Variants in MOB3B observed in about 807,000 individuals in gnomAD.
MOB3B encodes MOB kinase activator-like 2B.
A neutral mutation model predicts 18.7 loss-of-function variants in MOB3B; 7 were observed. The ratio of observed to expected loss-of-function variants is 0.37; its 90% CI spans 0.21 to 0.70. The LOEUF (loss-of-function observed/expected upper bound fraction) is 0.70. Among genes scored for constraint, MOB3B ranks in the 30% least tolerant of loss-of-function variants. MOB3B has a pLI of 0.52. For synonymous variants in MOB3B, 111 were observed against 99.9 expected, an observed-to-expected ratio of 1.11 and a Z score of -0.66; for missense variants, 253 against 281.3, an observed-to-expected ratio of 0.90 and a Z score of 0.72.
At chr9:27,357,315 C>A (rs552466674) in intron 3 of MOB3B, among the ~76,000 whole-genome samples, 1 of 150,880 alleles carries the variant, frequency 6.6e-6, no homozygotes, top group South Asian at 2.1e-4. Flanking sequence ...TCAAAGGGGC[C>A]TTGTTGATCC....
At chr9:27,516,864 C>T (rs1820242969) in intron 1 of MOB3B, among the ~76,000 whole-genome samples, 1 of 152,144 alleles carries the variant, frequency 6.6e-6, no homozygotes, top group African/African-American at 2.4e-5. Flanking sequence ...CTTGTCTAGG[C>T]CCATATATCC....
At chr9:27,460,444 A>C (rs756481381) in intron 1 of MOB3B, among the ~76,000 whole-genome samples, 18 of 152,202 alleles carry the variant, frequency 1.2e-4, no homozygotes, top group Non-Finnish European at 2.6e-4. Context: ...CTGGCAAGGA[A>C]AGTTCTAATT....
chr9:27,370,298 C>T (rs111830094), intron 2 of MOB3B, among the ~76,000 whole-genome samples: 9 of 152,114 alleles, frequency 5.9e-5, no homozygotes, highest in South Asian at 4.2e-4. Context: ...CACCTGAGGT[C>T]GGGAATTCAA....
At chr9:27,420,547 C>CTATA (rs1822228701) in intron 2 of MOB3B, among the ~76,000 whole-genome samples, 1 of 44,802 alleles carries the variant, frequency 2.2e-5, no homozygotes, top group Non-Finnish European at 3.9e-5. Flanking sequence ...TCTGTATATT[C>CTATA]CATATATATA....
intron 2 of MOB3B, among the ~76,000 whole-genome samples, chr9:27,395,668 G>C (rs527895862): frequency 6.6e-6 from 1 of 152,262 alleles, no homozygotes; most frequent in East Asian, 1.9e-4. Flanking sequence ...ATATGGGTGT[G>C]TTGTCCCTTC....
At position 27,330,254 on chromosome 9, in the gene MOB3B, A is replaced by G; in HGVS notation, c.*333T>C. 4.4e-6 allele frequency: 1 copy of G among 227,450 alleles called. No individual in the cohort carries two copies. Among genetic ancestry groups the G allele is most frequent in the Non-Finnish European group, 8.6e-6 (1 of 116,872 alleles). The allele number at this position is 227,450 out of a possible 1,614,324, so 14.1% of individuals were successfully genotyped here. A position where few individuals can be genotyped will look rare whatever the true frequency, so the allele number is the denominator to read the frequency against. On this transcript the variant is annotated 3_prime_UTR_variant, in exon 4 of 4. Coordinates refer to ENST00000262244, the MANE Select transcript of MOB3B (RefSeq NM_024761.5). ...ATCTCAGTCTCAAAACCTGAATTCC[A>G]GTAAAGCTTAGGCGGCAGGTCACAG... is the stretch of plus-strand genomic sequence containing the variant.
At chr9:27,444,271 G>A (rs575708599) in intron 2 of MOB3B, among the ~76,000 whole-genome samples, 16 of 124,432 alleles carry the variant, frequency 1.3e-4, no homozygotes, top group Admixed American at 7.1e-4. Context: ...AAGGAAGGAG[G>A]GAGGGAGGGA....
intron 1 of MOB3B, among the ~76,000 whole-genome samples, chr9:27,481,116 C>T (rs1031563231): frequency 6.6e-6 from 1 of 152,106 alleles, no homozygotes; most frequent in Non-Finnish European, 1.5e-5. Context: ...AAGAATAAAA[C>T]AGTATGCCTT....
intron 1 of MOB3B, among the ~76,000 whole-genome samples, chr9:27,483,225 C>T (rs1299682555): frequency 1.3e-5 from 2 of 150,972 alleles, no homozygotes; most frequent in East Asian, 3.9e-4. Flanking sequence ...CTCCGCCTCC[C>T]GGGTTCACGC....
At chr9:27,466,527 C>T (rs1819385179) in intron 1 of MOB3B, among the ~76,000 whole-genome samples, 1 of 152,186 alleles carries the variant, frequency 6.6e-6, no homozygotes, top group Non-Finnish European at 1.5e-5. Flanking sequence ...ACGCCTCACT[C>T]TACTGGTACC....
At chr9:27,490,596 C>A (rs1819801438) in intron 1 of MOB3B, among the ~76,000 whole-genome samples, 1 of 152,096 alleles carries the variant, frequency 6.6e-6, no homozygotes, top group South Asian at 2.1e-4. Flanking sequence ...GTGAAAGCAC[C>A]TGTTCTCTTG....
At chr9:27,365,149 T>C (rs1009151472) in intron 2 of MOB3B, among the ~76,000 whole-genome samples, 4 of 60,508 alleles carry the variant, frequency 6.6e-5, no homozygotes, top group Non-Finnish European at 1.4e-4. Context: ...CATCATCTCC[T>C]GTTTGGGGGA....
intron 1 of MOB3B, among the ~76,000 whole-genome samples, chr9:27,466,251 G>A (rs1449976546): frequency 6.6e-6 from 1 of 151,968 alleles, no homozygotes; most frequent in Non-Finnish European, 1.5e-5. Flanking sequence ...AAATCTCTAG[G>A]GCCACCAGTC....
intron 2 of MOB3B, among the ~76,000 whole-genome samples, chr9:27,390,909 G>A (rs1271301338): frequency 6.6e-6 from 1 of 152,100 alleles, no homozygotes; most frequent in Admixed American, 6.6e-5. Flanking sequence ...CACCACCTGA[G>A]GACACACTGA....
chr9:27,383,119 A>G (rs1209377874), intron 2 of MOB3B, among the ~76,000 whole-genome samples: 1 of 152,112 alleles, frequency 6.6e-6, no homozygotes, highest in Non-Finnish European at 1.5e-5. Context: ...AAGAGCGTGG[A>G]TCTAGGACTC....
At chr9:27,368,390 A>ACAC (rs1245144188) in intron 2 of MOB3B, among the ~76,000 whole-genome samples, 25 of 151,952 alleles carry the variant, frequency 1.6e-4, no homozygotes, top group Non-Finnish European at 2.9e-5. Context: ...ACACACATAC[A>ACAC]GAGAGGGAGA....
intron 2 of MOB3B, among the ~76,000 whole-genome samples, chr9:27,431,638 C>G (rs974503433): frequency 1.3e-5 from 2 of 152,230 alleles, no homozygotes; most frequent in African/African-American, 4.8e-5. Flanking sequence ...TGTCTCCACT[C>G]TATCTTCTTT....
At chr9:27,525,304 G>T (rs1357787563) in intron 1 of MOB3B, among the ~76,000 whole-genome samples, 1 of 152,090 alleles carries the variant, frequency 6.6e-6, no homozygotes, top group African/African-American at 2.4e-5. Flanking sequence ...TAGAGGATAG[G>T]GAGCAGAGAA....
chr9:27,352,146 C>A (rs1169073930), intron 3 of MOB3B, among the ~76,000 whole-genome samples: 1 of 152,056 alleles, frequency 6.6e-6, no homozygotes, highest in Non-Finnish European at 1.5e-5. Context: ...TTTGGGAGGT[C>A]AAGGCAGAAG....
Sources: allele counts gnomAD v4.1 joint callset (sites outside exome capture counted in the v4.1 genomes callset), GRCh38; gene constraint gnomAD v4.1.1; transcripts MANE v1.5; gene names NCBI Gene and HGNC (gene_info 2026-07-23, HGNC 2026-07-21).